GRM7: variants seen among roughly 807,000 people sequenced by gnomAD.
The protein encoded by GRM7 is glutamate metabotropic receptor 7, also known as metabotropic glutamate receptor 7.
GRM7 carries 35 observed loss-of-function variants against 84.5 expected under a neutral mutation model. That is an observed-to-expected ratio of 0.41 (90% CI 0.32 to 0.55). GRM7 has a LOEUF of 0.55. Ranked by LOEUF, GRM7 falls within the 20% of genes least tolerant of loss-of-function variation. GRM7 has a pLI of 0.19. For synonymous variants in GRM7, 487 were observed against 455.1 expected (o/e 1.07, Z -0.89); for missense variants, 1,003 against 1,194.6 (o/e 0.84, Z 2.36).
intron 1 of GRM7, among the ~76,000 whole-genome samples, chr3:6,946,185 G>A (rs1000235291): frequency 6.6e-6 from 1 of 152,042 alleles, no homozygotes; most frequent in African/African-American, 2.4e-5. Context: ...GGGTTTTTAT[G>A]GTTTTAGGTC....
intron 7 of GRM7, among the ~76,000 whole-genome samples, chr3:7,525,153 A>G (rs1700744112): frequency 1.3e-5 from 2 of 151,726 alleles, no homozygotes; most frequent in African/African-American, 4.8e-5. Context: ...ATTAGGAGAT[A>G]TACCTAATGC....
At chr3:7,680,925 A>G (rs1246296550) in intron 9 of GRM7, 2 of 152,650 alleles carry the variant, frequency 1.3e-5, no homozygotes, top group Admixed American at 1.3e-4. Flanking sequence ...ATCAAGGAAA[A>G]AAAACATTGG....
At chr3:7,115,222 A>G (rs1040430390) in intron 1 of GRM7, among the ~76,000 whole-genome samples, 2 of 152,190 alleles carry the variant, frequency 1.3e-5, no homozygotes, top group Non-Finnish European at 2.9e-5. Flanking sequence ...CCATAATGCT[A>G]TATTTTAATA....
chr3:7,597,604 G>T (rs1696111413), intron 8 of GRM7, among the ~76,000 whole-genome samples: 1 of 151,878 alleles, frequency 6.6e-6, no homozygotes, highest in Non-Finnish European at 1.5e-5. Flanking sequence ...GCACGTGAAG[G>T]GTATGAGGTT....
chr3:7,698,331 C>G (rs1300709538), intron 9 of GRM7, among the ~76,000 whole-genome samples: 1 of 152,202 alleles, frequency 6.6e-6, no homozygotes, highest in Non-Finnish European at 1.5e-5. Context: ...GGGTTCTTCC[C>G]ATGCACCAGC....
intron 2 of GRM7, among the ~76,000 whole-genome samples, chr3:7,282,178 A>C (rs1367710249): frequency 1.3e-5 from 2 of 152,196 alleles, no homozygotes; most frequent in Non-Finnish European, 2.9e-5. Context: ...ATGTTCTCCA[A>C]ACTGTCAAGA....
At chr3:7,548,177 A>G (rs922870215) in intron 7 of GRM7, among the ~76,000 whole-genome samples, 3 of 152,228 alleles carry the variant, frequency 2.0e-5, no homozygotes, top group African/African-American at 4.8e-5. Context: ...TCATAGGTGA[A>G]GGTTCCTCAT....
intron 1 of GRM7, among the ~76,000 whole-genome samples, chr3:6,909,540 G>A (rs767239465): frequency 6.6e-6 from 1 of 152,126 alleles, no homozygotes; most frequent in Non-Finnish European, 1.5e-5. Context: ...ATGTTAGTTA[G>A]ATGGGTGGAT....
At chr3:7,179,869 T>A (rs2125096027) in intron 2 of GRM7, among the ~76,000 whole-genome samples, 1 of 152,294 alleles carries the variant, frequency 6.6e-6, no homozygotes, top group South Asian at 2.1e-4. Context: ...TACCTTGGCT[T>A]TTAAAATTTT....
intron 9 of GRM7, among the ~76,000 whole-genome samples, chr3:7,733,446 A>C (rs1030492262): frequency 6.6e-6 from 1 of 152,156 alleles, no homozygotes; most frequent in Non-Finnish European, 1.5e-5. Flanking sequence ...GCTCCACCCC[A>C]TTCCCCCAGT....
intron 1 of GRM7, among the ~76,000 whole-genome samples, chr3:7,017,831 G>C (rs758672725): frequency 1.3e-5 from 2 of 152,172 alleles, no homozygotes; most frequent in Non-Finnish European, 2.9e-5. Flanking sequence ...TGTACTTCTT[G>C]ATTTCTCAGT....
At chr3:7,697,033 C>T (rs1701048394) in intron 9 of GRM7, among the ~76,000 whole-genome samples, 1 of 152,024 alleles carries the variant, frequency 6.6e-6, no homozygotes, top group Non-Finnish European at 1.5e-5. Flanking sequence ...TCATTCCAGA[C>T]AGAACTCAAG....
intron 7 of GRM7, among the ~76,000 whole-genome samples, chr3:7,548,835 A>G (rs1410323053): frequency 2.0e-5 from 3 of 152,202 alleles, no homozygotes; most frequent in East Asian, 3.8e-4. Flanking sequence ...CACTCTCTGC[A>G]TTTTGTGGTG....
At chr3:7,628,764 C>T (rs968220936) in intron 8 of GRM7, among the ~76,000 whole-genome samples, 1 of 152,104 alleles carries the variant, frequency 6.6e-6, no homozygotes, top group Non-Finnish European at 1.5e-5. Flanking sequence ...GAAAGCAATG[C>T]TAGTGAGCTC....
chr3:7,185,454 G>A (rs1695483898), intron 2 of GRM7, among the ~76,000 whole-genome samples: 1 of 152,070 alleles, frequency 6.6e-6, no homozygotes, highest in African/African-American at 2.4e-5. Flanking sequence ...TAACCATTTT[G>A]GCCAGGTTTT....
intron 4 of GRM7, among the ~76,000 whole-genome samples, chr3:7,328,562 T>G (rs1701072973): frequency 6.6e-6 from 1 of 152,140 alleles, no homozygotes; most frequent in Non-Finnish European, 1.5e-5. Flanking sequence ...AGTCACTAAG[T>G]CAACCTGGCA....
At chr3:7,165,323 T>TG (rs1694766625) in intron 2 of GRM7, among the ~76,000 whole-genome samples, 1 of 152,324 alleles carries the variant, frequency 6.6e-6, no homozygotes, top group African/African-American at 2.4e-5. Context: ...GGCCAGCCTC[T>TG]GGCCCCCTGG....
intron 5 of GRM7, among the ~76,000 whole-genome samples, chr3:7,449,634 A>C (rs982077038): frequency 0.033 from 1 of 30 alleles, no homozygotes; most frequent in Non-Finnish European, 0.083. Flanking sequence ...ACCATGAAAC[A>C]GATTTTAAAA....
At chr3:7,081,951 T>A (rs1698288568) in intron 1 of GRM7, among the ~76,000 whole-genome samples, 2 of 151,902 alleles carry the variant, frequency 1.3e-5, no homozygotes, top group Non-Finnish European at 2.9e-5. Flanking sequence ...CTAGCAGGAG[T>A]TGGTTCCTAA....
Sources: allele counts gnomAD v4.1 joint callset (sites outside exome capture counted in the v4.1 genomes callset), GRCh38; gene constraint gnomAD v4.1.1; transcripts MANE v1.5; gene names NCBI Gene and HGNC (gene_info 2026-07-23, HGNC 2026-07-21).